ESYT2: variants seen among roughly 807,000 people sequenced by gnomAD.
ESYT2 encodes the protein extended synaptotagmin 2.
Under a neutral mutation model 107.2 loss-of-function variants are expected in ESYT2, and 54 were observed. The ratio of observed to expected loss-of-function variants is 0.50; its 90% CI spans 0.40 to 0.63. The LOEUF (loss-of-function observed/expected upper bound fraction) is 0.63. Among genes scored for constraint, ESYT2 ranks in the 30% least tolerant of loss-of-function variants. The pLI is 0.00. For synonymous variants in ESYT2, 491 were observed against 434.1 expected (o/e 1.13, Z -1.63); for missense variants, 1,020 against 1,094.5 (o/e 0.93, Z 0.96).
At chr7:158,828,195 C>T (rs145534763) in intron 1 of ESYT2, among the ~76,000 whole-genome samples, 1 of 152,336 alleles carries the variant, frequency 6.6e-6, no homozygotes, top group East Asian at 1.9e-4. Context: ...CCTTGAAATG[C>T]GTCAGAAACA....
intron 1 of ESYT2, among the ~76,000 whole-genome samples, chr7:158,799,827 G>A (rs1378699618): frequency 6.6e-6 from 1 of 151,996 alleles, no homozygotes; most frequent in African/African-American, 2.4e-5. Context: ...GGTTTGTACA[G>A]GAGAAAAGAA....
At chr7:158,815,132 C>T (rs186451957) in intron 1 of ESYT2, among the ~76,000 whole-genome samples, 167 of 152,268 alleles carry the variant, frequency 1.1e-3, no homozygotes, top group African/African-American at 3.5e-3. Context: ...GCACATTCAC[C>T]GTTTGTTTTC....
chr7:158,788,484 G>A (rs1303514075), intron 4 of ESYT2, 67 bp from the exon 5 acceptor site: 2 of 1,294,634 alleles, frequency 1.5e-6, no homozygotes, highest in East Asian at 2.4e-5. Flanking sequence ...TTATAGACCT[G>A]CAAGATGTAT....
chr7:158,778,713 G>A (rs1158124636), intron 6 of ESYT2, among the ~76,000 whole-genome samples: 1 of 152,136 alleles, frequency 6.6e-6, no homozygotes, highest in Non-Finnish European at 1.5e-5. Flanking sequence ...GGGATGCAAT[G>A]CTCTTCCTCA....
chr7:158,743,177 T>A (rs1453901712), intron 17 of ESYT2, among the ~76,000 whole-genome samples: 2 of 152,200 alleles, frequency 1.3e-5, no homozygotes, highest in Non-Finnish European at 2.9e-5. Flanking sequence ...CTTTGAAAAG[T>A]TAAGACTTAG....
chr7:158,781,300 T>C (rs540808328), intron 6 of ESYT2, among the ~76,000 whole-genome samples: 1 of 148,624 alleles, frequency 6.7e-6, no homozygotes, highest in East Asian at 2.0e-4. Flanking sequence ...GTGTGCGGTG[T>C]GTGAGAACAA....
intron 15 of ESYT2, 127 bp downstream of exon 15, chr7:158,749,522 C>T: frequency 2.6e-6 from 2 of 781,284 alleles, no homozygotes; most frequent in Non-Finnish European, 4.2e-6. Context: ...CTGAAAAGCC[C>T]TGGTCTCGAT....
intron 1 of ESYT2, among the ~76,000 whole-genome samples, chr7:158,806,270 C>A (rs1021543106): frequency 3.3e-5 from 5 of 152,120 alleles, no homozygotes; most frequent in Non-Finnish European, 5.9e-5. Flanking sequence ...TCTGGTAGAT[C>A]AGAAAACAGA....
intron 17 of ESYT2, 46 bp from the exon 18 acceptor site, chr7:158,741,942 A>T (rs1164670778): frequency 6.5e-7 from 1 of 1,532,912 alleles, no homozygotes; most frequent in Admixed American, 2.1e-5. Flanking sequence ...TGACACTGGT[A>T]ACATCCTAAT....
chr7:158,735,604 C>T lies in ESYT2; in HGVS notation c.2404G>A (p.Asp802Asn). ...ACTTCTGGTAACGAAACACTGAAATCAAAGCTGAAATAGGAAACGAGAGCC... is the reference window on the plus strand; with the variant it reads ...ACTTCTGGTAACGAAACACTGAAATTAAAGCTGAAATAGGAAACGAGAGCC... The part of the protein sequence containing the change: ...TLNPVFDQSF[D>N]FSVSLPEVQR... Residue 802 changes from aspartate (D) to asparagine (N), a missense_variant, in exon 21 of 23, where the codon GAT becomes AAT. Physicochemically the swap from Asp to Asn is conservative, Grantham distance 23 (BLOSUM62 1). Coordinates refer to ENST00000275418, the MANE Select transcript of ESYT2 (RefSeq NM_001367773.1). 6.2e-7 allele frequency: 1 copy of T among 1,613,200 alleles called. No individual in the cohort carries two copies. Among genetic ancestry groups the T allele is most frequent in the Non-Finnish European group, 8.5e-7 (1 of 1,179,234 alleles).
At chr7:158,814,350 A>T in intron 1 of ESYT2, among the ~76,000 whole-genome samples, 1 of 132,482 alleles carries the variant, frequency 7.5e-6, no homozygotes. Flanking sequence ...TATATATGAA[A>T]TAATATACCT....
At chr7:158,810,961 T>C (rs965785109) in intron 1 of ESYT2, among the ~76,000 whole-genome samples, 1 of 149,712 alleles carries the variant, frequency 6.7e-6, no homozygotes, top group African/African-American at 2.5e-5. Flanking sequence ...AATGGCTGGA[T>C]TGTATGGTAT....
intron 6 of ESYT2, among the ~76,000 whole-genome samples, chr7:158,778,024 C>A (rs558717719): frequency 6.6e-6 from 1 of 152,282 alleles, no homozygotes; most frequent in East Asian, 1.9e-4. Flanking sequence ...AAGCAAAGCA[C>A]AATAAAGCGA....
At chr7:158,810,845 T>C (rs1385493880) in intron 1 of ESYT2, among the ~76,000 whole-genome samples, 1 of 151,894 alleles carries the variant, frequency 6.6e-6, no homozygotes, top group East Asian at 1.9e-4. Context: ...TGAGGGCTGA[T>C]GGGTATAGGG....
chr7:158,798,142 G>C, intron 2 of ESYT2, 66 bp from the exon 3 acceptor site: 1 of 1,562,714 alleles, frequency 6.4e-7, no homozygotes, highest in Non-Finnish European at 8.8e-7. Context: ...ACGAGTGCTC[G>C]TGAGAAACCC....
At chr7:158,750,981 C>A (rs945988456) in intron 14 of ESYT2, among the ~76,000 whole-genome samples, 6 of 152,196 alleles carry the variant, frequency 3.9e-5, no homozygotes, top group African/African-American at 1.2e-4. Context: ...GATACAGAAA[C>A]CAAGTGCTCC....
At chr7:158,827,939 A>C (rs947963488) in intron 1 of ESYT2, among the ~76,000 whole-genome samples, 10 of 151,984 alleles carry the variant, frequency 6.6e-5, no homozygotes, top group Non-Finnish European at 1.2e-4. Context: ...TTTGAAGCCA[A>C]CTCTTCGTGT....
At chr7:158,760,325 C>T (rs1392566860) in intron 11 of ESYT2, among the ~76,000 whole-genome samples, 178 bp from the exon 12 acceptor site, 1 of 152,228 alleles carries the variant, frequency 6.6e-6, no homozygotes, top group Non-Finnish European at 1.5e-5. Context: ...TGCCAGTGAC[C>T]TCACGTTTGG....
intron 7 of ESYT2, among the ~76,000 whole-genome samples, chr7:158,772,545 C>T (rs1410727137): frequency 1.3e-5 from 2 of 152,128 alleles, no homozygotes; most frequent in Non-Finnish European, 2.9e-5. Flanking sequence ...TCAAATAAAA[C>T]GGTAAAGCCA....
Sources: gnomAD v4.1 joint callset for allele counts (sites outside exome capture counted in the v4.1 genomes callset) on GRCh38, gnomAD v4.1.1 for gene constraint, MANE v1.5 for transcripts, NCBI Gene and HGNC (gene_info 2026-07-23, HGNC 2026-07-21) for gene names.